The following ITPR3 variants were observed in gnomAD, a reference collection of about 807,000 sequenced individuals.
ITPR3 encodes the protein inositol 1,4,5-trisphosphate receptor type 3.
ITPR3 carries 173 observed loss-of-function variants against 293.2 expected under a neutral mutation model. That is an observed-to-expected ratio of 0.59 (90% CI 0.52 to 0.67). The LOEUF is 0.67. Among genes scored for constraint, ITPR3 ranks in the 30% least tolerant of loss-of-function variants. The probability of loss-of-function intolerance (pLI) is 0.00; values close to 1 mark genes in which losing one functional copy is unlikely to be tolerated. For missense variants in ITPR3, 2,796 were observed against 3,592.1 expected (o/e 0.78, Z 5.66); for synonymous variants, 1,295 against 1,444.4 (o/e 0.90, Z 2.35).
At position 33,686,457 on chromosome 6, in the gene ITPR3, C is replaced by T. The variant is rs757203177; in HGVS notation, c.5917C>T (p.Leu1973=). The part of the protein sequence containing the change: ...ESNGIDIITA[L]ILNDISPLCK... ...CAATGGCATAGACATCATCACCGCA[C>T]TGATCCTCAATGACATCAGCCCCCT... The change falls in exon 43 of 58, where the codon CTG becomes TTG. Residue 1973 remains leucine (L), a synonymous_variant. Coordinates refer to ENST00000605930, the MANE Select transcript of ITPR3 (RefSeq NM_002224.4). 3.1e-6 allele frequency: 5 copies of T among 1,614,266 alleles called. No homozygotes were observed. The South Asian group carries it at 3.3e-5, about 11-fold the overall frequency.
intron 16 of ITPR3, 97 bp from the exon 17 acceptor site, chr6:33,668,418 G>A: frequency 1.3e-6 from 2 of 1,509,264 alleles, no homozygotes; most frequent in Non-Finnish European, 1.8e-6. Context: ...TTCCAGGGTG[G>A]CGGTGCTGCC....
Position 33,654,013 on chromosome 6 carries a change from A to G in ITPR3, c.161-1753A>G, listed in dbSNP as rs183547151. On this transcript the variant is annotated intron_variant, in intron 2 of 57. Coordinates refer to ENST00000605930, the MANE Select transcript of ITPR3 (RefSeq NM_002224.4). The surrounding 1 kb of genome is among the most constrained non-coding windows in gnomAD (Gnocchi z 4.1). ...CCGGGCGTGGTGGCTCACGCCTGTAATCCCAGCACTTTTGTAGGCCGAAGT... is the reference window on the plus strand; with the variant it reads ...CCGGGCGTGGTGGCTCACGCCTGTAGTCCCAGCACTTTTGTAGGCCGAAGT... 6.6e-6 allele frequency among the ~76,000 whole-genome samples: 1 copy of G among 152,322 alleles called. No individual in the cohort carries two copies. Among genetic ancestry groups the G allele is most frequent in the Non-Finnish European group, 1.5e-5 (1 of 68,032 alleles).
intron 2 of ITPR3, among the ~76,000 whole-genome samples, chr6:33,649,038 G>A (rs1026849441): frequency 6.6e-6 from 1 of 151,966 alleles, no homozygotes; most frequent in Non-Finnish European, 1.5e-5. Context: ...GAGTAGCTGA[G>A]ATTATAGGCT....
In ITPR3 at chr6:33,682,152, C is replaced by T. The variant is rs934921331; in HGVS notation, c.4477-372C>T. ...CCACCTTGGCCTCCCAAAGTGCTGA[C>T]ATTACACGTGTGAGCCACTGCGCCC... is the stretch of plus-strand genomic sequence containing the variant. On this transcript the variant is annotated intron_variant, in intron 33 of 57. Coordinates refer to ENST00000605930, the MANE Select transcript of ITPR3 (RefSeq NM_002224.4). This position sits in a 1 kb window ranked among gnomAD's most constrained non-coding sequence, Gnocchi z 5.4. Among the ~76,000 whole-genome samples, 1 of 152,220 alleles carries T rather than the reference C, an allele frequency of 6.6e-6. No individual in the cohort carries two copies. The highest frequency in any genetic ancestry group is 2.4e-5 in the African/African-American group (1 of 41,460).
Position 33,658,624 on chromosome 6 carries a change from G to A in ITPR3, c.370-46G>A, listed in dbSNP as rs368040077. 6.2e-6 allele frequency: 10 copies of A among 1,604,496 alleles called. No individual in the cohort carries two copies. The highest frequency in any genetic ancestry group is 5.3e-5 in the African/African-American group (4 of 74,776). ...CCCCATATCCCCTCCCTAATGGGCCGACTCCTGTGGCGCGGTGACCTTCCC... is the reference window on the plus strand; with the variant it reads ...CCCCATATCCCCTCCCTAATGGGCCAACTCCTGTGGCGCGGTGACCTTCCC... On this transcript the variant is annotated intron_variant, in intron 4 of 57. Coordinates refer to ENST00000605930, the MANE Select transcript of ITPR3 (RefSeq NM_002224.4). The surrounding 1 kb of genome is among the most constrained non-coding windows in gnomAD (Gnocchi z 6.1).
Position 33,685,684 on chromosome 6 carries a change from T to C in ITPR3, c.5524T>C (p.Tyr1842His), listed in dbSNP as rs144737770. Residue 1842 changes from tyrosine (Y) to histidine (H), a missense_variant, in exon 41 of 58, where the codon TAC (tyrosine) becomes CAC (histidine). Coordinates refer to ENST00000605930, the MANE Select transcript of ITPR3 (RefSeq NM_002224.4). ...SFSIPGSSSRYSLGPSLRRGH... is the reference protein window; with the variant it reads ...SFSIPGSSSRHSLGPSLRRGH... ...CTCGATACCTGGCTCCTCATCCCGC[T>C]ACTCGCTGGGCCCCAGCCTGCGCCG... 236 of 1,599,646 alleles carry C rather than the reference T, an allele frequency of 1.5e-4. 1 individual carries two copies. In the African/African-American group the frequency reaches 2.7e-3, roughly 19 times the overall value.
chr6:33,649,196 C>T (rs1167562200), intron 2 of ITPR3, among the ~76,000 whole-genome samples: 1 of 152,198 alleles, frequency 6.6e-6, no homozygotes, highest in Non-Finnish European at 1.5e-5. Flanking sequence ...AGCCATTGCG[C>T]CTGGCCTATG....
Position 33,687,582 on chromosome 6 carries a change from G to T in ITPR3, c.6264+18G>T, listed in dbSNP as rs753265866. ...CTTCCATGGTGGGTGCTGGCCCCGA[G>T]ACTGGGGTGGGGGTGGGGCCTGGAA... On this transcript the variant is annotated intron_variant, in intron 46 of 57. Coordinates refer to ENST00000605930, the MANE Select transcript of ITPR3 (RefSeq NM_002224.4). This position sits in a 1 kb window ranked among gnomAD's most constrained non-coding sequence, Gnocchi z 5.3. 14 of 1,592,434 alleles carry T rather than the reference G, an allele frequency of 8.8e-6. No individual in the cohort carries two copies. In the East Asian group the frequency reaches 2.9e-4, roughly 33 times the overall value.
At chr6:33,656,137 T>A (rs749186690) in intron 3 of ITPR3, among the ~76,000 whole-genome samples, 1 of 151,998 alleles carries the variant, frequency 6.6e-6, no homozygotes, top group East Asian at 1.9e-4. Context: ...CTACAAAAAA[T>A]TAATAAAAAA....
chr6:33,656,006 A>G, intron 3 of ITPR3, 119 bp downstream of exon 3: 1 of 1,329,362 alleles, frequency 7.5e-7, no homozygotes, highest in East Asian at 2.5e-5. Flanking sequence ...GTGGTTTCTA[A>G]AACTCGTATG....
chr6:33,676,147 C>T (rs1764901280), intron 25 of ITPR3, among the ~76,000 whole-genome samples: 1 of 152,262 alleles, frequency 6.6e-6, no homozygotes, highest in South Asian at 2.1e-4. Context: ...ACGTGACTGG[C>T]ATTTGCTATT....
At chr6:33,665,725 G>GA in intron 13 of ITPR3, 110 bp from the exon 14 acceptor site, 1 of 1,209,354 alleles carries the variant, frequency 8.3e-7, no homozygotes, top group South Asian at 1.4e-5. Flanking sequence ...TGCTTTGGGG[G>GA]CCGCTGAGTG....
intron 1 of ITPR3, among the ~76,000 whole-genome samples, chr6:33,630,821 CTTGTT>C (rs1763660738): frequency 6.6e-6 from 1 of 152,216 alleles, no homozygotes; most frequent in Admixed American, 6.5e-5. Context: ...TTTAGCTGTA[CTTGTT>C]TTAAAATTCT....
In ITPR3 at chr6:33,680,764, T is replaced by C. The variant is rs959369896; in HGVS notation, c.4476+84T>C. On this transcript the variant is annotated intron_variant, in intron 33 of 57. Coordinates refer to ENST00000605930, the MANE Select transcript of ITPR3 (RefSeq NM_002224.4). Reference sequence around the variant, plus strand: ...GGGGGGAAATAAGAATACATATTTATATTTGCTTATAGTACAGAAAGAAGT... The same window carrying C: ...GGGGGGAAATAAGAATACATATTTACATTTGCTTATAGTACAGAAAGAAGT... The C allele has an allele frequency of 3.4e-6, 5 of 1,479,850 alleles. No individual in the cohort carries two copies. In the African/African-American group the frequency reaches 7.0e-5, roughly 21 times the overall value. The allele number at this position is 1,479,850 out of a possible 1,614,324, so 91.7% of individuals were successfully genotyped here.
At chr6:33,647,843 A>T (rs932333270) in intron 2 of ITPR3, among the ~76,000 whole-genome samples, 1 of 151,916 alleles carries the variant, frequency 6.6e-6, no homozygotes, top group Non-Finnish European at 1.5e-5. Context: ...TGGTCATTTT[A>T]TGTAAGAGCA....
rs753753894 is a variant in ITPR3, at chr6:33,664,875, C to T, written c.1154C>T (p.Ser385Leu). The part of the protein sequence containing the change: ...QKTDSFVPRN[S>L]YVRLRHLCTN... ...TCCCTCCCACCCACCTGCAGGAACT[C>T]GTACGTCCGGCTGCGGCACCTCTGC... is the stretch of plus-strand genomic sequence containing the variant. The change falls in exon 12 of 58, where the codon TCG becomes TTG. Residue 385 changes from serine to leucine, a missense_variant. By Grantham distance (145) the Ser-to-Leu change is moderately radical. Coordinates refer to ENST00000605930, the MANE Select transcript of ITPR3 (RefSeq NM_002224.4). The surrounding 1 kb of genome is among the most constrained non-coding windows in gnomAD (Gnocchi z 4.4). 10 of 1,613,556 alleles carry T rather than the reference C, an allele frequency of 6.2e-6. No homozygotes were observed. The highest frequency in any genetic ancestry group is 3.3e-5 in the South Asian group (3 of 91,060).
rs767953662 is a variant in ITPR3 at position 33,695,851 on chromosome 6, C to G, written c.*71C>G. The G allele has an allele frequency of 6.6e-7, 1 of 1,508,926 alleles. No homozygotes were observed. Among genetic ancestry groups the G allele is most frequent in the Non-Finnish European group, 9.2e-7 (1 of 1,088,128 alleles). The allele number at this position is 1,508,926 out of a possible 1,614,324, so 93.5% of individuals were successfully genotyped here. On this transcript the variant is annotated 3_prime_UTR_variant, in exon 58 of 58. Coordinates refer to ENST00000605930, the MANE Select transcript of ITPR3 (RefSeq NM_002224.4). ...CTGCGACTGGGAAGAACACTGCCCC[C>G]TCCCTCGGGTTGGGTGGCCCAGCCA...
chr6:33,680,883 C>T (rs1453677585), intron 33 of ITPR3, among the ~76,000 whole-genome samples: 3 of 147,546 alleles, frequency 2.0e-5, no homozygotes, highest in Non-Finnish European at 4.4e-5. Flanking sequence ...TGCAGTGGCG[C>T]GATCTCTGCT....
At position 33,658,789 on chromosome 6, in the gene ITPR3, C is replaced by G; in HGVS notation, c.489C>G (p.Phe163Leu). 6.2e-7 allele frequency: 1 copy of G among 1,614,194 alleles called. No individual in the cohort carries two copies. Among genetic ancestry groups the G allele is most frequent in the Non-Finnish European group, 8.5e-7 (1 of 1,180,028 alleles). Residue 163 changes from phenylalanine to leucine, a missense_variant, in exon 5 of 58, where the codon TTC becomes TTG. Phe to Leu is a conservative substitution (Grantham distance 22, BLOSUM62 0). Around this residue, in one of 8 missense-constraint regions of ITPR3, gnomAD observed 144 missense variants for 230.8 expected, o/e 0.62. Transcript: ENST00000605930. This position sits in a 1 kb window ranked among gnomAD's most constrained non-coding sequence, Gnocchi z 6.1. The stretch of plus-strand genomic sequence containing the variant: ...CAGGCAACGAGGGTTCCTGGCTCTT[C>G]ATCCAGCCCTTCTGGAAGCTGCGGA... ...DATGNEGSWLFIQPFWKLRSN... is the reference protein window; with the variant it reads ...DATGNEGSWLLIQPFWKLRSN...
Sources: gnomAD v4.1 joint callset for allele counts (sites outside exome capture counted in the v4.1 genomes callset) on GRCh38, gnomAD v4.1.1 for gene constraint, gnomAD v4.1.1 regional missense constraint, Gnocchi (gnomAD v3.1) non-coding constraint, MANE v1.5 for transcripts, NCBI Gene and HGNC (gene_info 2026-07-23, HGNC 2026-07-21) for gene names.